Variants in ERC2 observed in about 807,000 individuals in gnomAD.
ERC2 encodes ELKS/RAB6-interacting/CAST family member 2.
In ERC2, 42 loss-of-function variants were observed where a neutral mutation model predicts 114.8. That is an observed-to-expected ratio of 0.37 (90% CI 0.29 to 0.47). ERC2 has a LOEUF of 0.47. ERC2 is among the 20% of genes least tolerant of loss of function. The probability of loss-of-function intolerance (pLI) is 0.99; values close to 1 mark genes in which losing one functional copy is unlikely to be tolerated. For synonymous variants in ERC2, 454 were observed against 425.5 expected (o/e 1.07, Z -0.82); for missense variants, 939 against 1,150.7 (o/e 0.82, Z 2.66).
At chr3:56,462,631 A>AATG (rs1157387625) in intron 1 of ERC2, among the ~76,000 whole-genome samples, 2 of 152,054 alleles carry the variant, frequency 1.3e-5, no homozygotes, top group Admixed American at 6.5e-5. Context: ...TGAAAGTCAA[A>AATG]ATGATGTTGT....
rs371009414 is a variant in ERC2 at position 56,144,594 on chromosome 3, G to T, written c.1305+4383C>A. Among the ~76,000 whole-genome samples the T allele has an allele frequency of 5.3e-5, 8 of 152,330 alleles. No homozygotes were observed. In the South Asian group the frequency reaches 8.3e-4, roughly 16 times the overall value. The stretch of plus-strand genomic sequence containing the variant: ...GTGTCGGGTTTGGTGTATTGAGAGA[G>T]AAATGAAAAGGAAATCAACTGGATA... On this transcript the variant is annotated intron_variant, in intron 5 of 17. Transcript: ENST00000288221.
intron 17 of ERC2, among the ~76,000 whole-genome samples, chr3:55,610,069 A>C (rs1386582033): frequency 9.4e-5 from 11 of 116,964 alleles, no homozygotes; most frequent in African/African-American, 3.9e-4. Flanking sequence ...ACAAACAAAA[A>C]AAAAAAAAAA....
At chr3:56,459,248 C>A (rs2063201958) in intron 1 of ERC2, among the ~76,000 whole-genome samples, 1 of 152,198 alleles carries the variant, frequency 6.6e-6, no homozygotes, top group Admixed American at 6.5e-5. Context: ...CCTGCTCTTT[C>A]TTACTGCAAT....
At chr3:55,685,995 TTTC>T (rs1473401383) in intron 16 of ERC2, among the ~76,000 whole-genome samples, 1 of 152,208 alleles carries the variant, frequency 6.6e-6, no homozygotes, top group African/African-American at 2.4e-5. Context: ...CTACTACTAT[TTTC>T]TTAACAGTGG....
At chr3:55,907,602 T>C (rs2064537124) in intron 13 of ERC2, among the ~76,000 whole-genome samples, 1 of 152,198 alleles carries the variant, frequency 6.6e-6, no homozygotes, top group Non-Finnish European at 1.5e-5. Context: ...GCCCACCCCA[T>C]AGTTTTCAGT....
At chr3:56,446,625 C>CTTTTTTT (rs1318263302) in intron 1 of ERC2, among the ~76,000 whole-genome samples, 3 of 112,360 alleles carry the variant, frequency 2.7e-5, no homozygotes, top group Non-Finnish European at 3.5e-5. Flanking sequence ...TTTTTTTTTT[C>CTTTTTTT]TTTCTTTTTT....
At chr3:55,831,871 C>G (rs983494490) in intron 14 of ERC2, among the ~76,000 whole-genome samples, 1 of 152,166 alleles carries the variant, frequency 6.6e-6, no homozygotes, top group Non-Finnish European at 1.5e-5. Flanking sequence ...GGGTGACAGA[C>G]GGCACCTGGA....
intron 17 of ERC2, among the ~76,000 whole-genome samples, chr3:55,594,199 G>A (rs1254468930): frequency 6.6e-6 from 1 of 152,194 alleles, no homozygotes; most frequent in Non-Finnish European, 1.5e-5. Flanking sequence ...TTGGTAAAGA[G>A]ATGGCAGATA....
intron 7 of ERC2, among the ~76,000 whole-genome samples, chr3:56,025,048 A>G (rs908754952): frequency 5.3e-5 from 8 of 152,234 alleles, no homozygotes; most frequent in African/African-American, 9.6e-5. Context: ...TCAAGTGCAC[A>G]GTAAGACCAC....
chr3:56,034,334 A>T (rs2074658750), intron 7 of ERC2, among the ~76,000 whole-genome samples: 1 of 152,184 alleles, frequency 6.6e-6, no homozygotes, highest in African/African-American at 2.4e-5. Flanking sequence ...TAAATATATT[A>T]AGGAAATATA....
intron 7 of ERC2, among the ~76,000 whole-genome samples, chr3:56,061,006 A>T (rs1576758375): frequency 6.6e-6 from 1 of 152,046 alleles, no homozygotes; most frequent in Non-Finnish European, 1.5e-5. Flanking sequence ...AGAGTCAGTA[A>T]CCTCCACTTG....
chr3:55,510,880 T>C lies in ERC2; in HGVS notation c.*436A>G, dbSNP rs2052024711. On this transcript the variant is annotated 3_prime_UTR_variant, in exon 18 of 18. Coordinates refer to ENST00000288221, the MANE Select transcript of ERC2 (RefSeq NM_015576.3). ...AGGATACTGGAGATGAGGCTAGTTGTCCAACAGAAGCTGAATCCACAGATA... is the reference window on the plus strand; with the variant it reads ...AGGATACTGGAGATGAGGCTAGTTGCCCAACAGAAGCTGAATCCACAGATA... 6.6e-6 allele frequency: 1 copy of C among 152,188 alleles called. No homozygotes were observed. Among genetic ancestry groups the C allele is most frequent in the Non-Finnish European group, 1.5e-5 (1 of 68,034 alleles). The allele number at this position is 152,188 out of a possible 1,614,324, so 9.4% of individuals were successfully genotyped here.
intron 2 of ERC2, among the ~76,000 whole-genome samples, chr3:56,316,027 A>G (rs1442376461): frequency 2.6e-5 from 4 of 152,040 alleles, no homozygotes; most frequent in African/African-American, 9.7e-5. Context: ...TGGGTTACAT[A>G]AACTTCAACA....
At chr3:55,836,176 G>T (rs2060874339) in intron 14 of ERC2, among the ~76,000 whole-genome samples, 3 of 152,088 alleles carry the variant, frequency 2.0e-5, no homozygotes, top group Non-Finnish European at 2.9e-5. Context: ...TGGCCATACT[G>T]CCCAAGGTAA....
intron 15 of ERC2, among the ~76,000 whole-genome samples, chr3:55,702,540 ATT>A (rs5849107): frequency 7.3e-4 from 110 of 150,864 alleles, no homozygotes; most frequent in African/African-American, 2.6e-3. Context: ...TCTCTTTTAA[ATT>A]TTTTTTTTTT....
chr3:55,797,795 C>T (rs895391019), intron 14 of ERC2, among the ~76,000 whole-genome samples: 2 of 151,992 alleles, frequency 1.3e-5, no homozygotes, highest in Admixed American at 6.6e-5. Context: ...TTTAGGTGCT[C>T]TTTCTACAAA....
rs1159018410 is a variant in ERC2, at chr3:56,018,927, T to C, written c.1746A>G (p.Ala582=). 4 of 1,613,324 alleles carry C rather than the reference T, an allele frequency of 2.5e-6. No homozygotes were observed. Among genetic ancestry groups the C allele is most frequent in the Non-Finnish European group, 3.4e-6 (4 of 1,179,510 alleles). Residue 582 remains alanine, a synonymous_variant, in exon 8 of 18, where the codon GCA becomes GCG. Transcript: ENST00000288221. ...LQTDSSNTDT[A]LATLEEALSE... ...ACAGAGCTTCCTCTAGCGTCGCCAG[T>C]GCAGTATCTGTATTACTGGAATCCG...
intron 7 of ERC2, among the ~76,000 whole-genome samples, chr3:56,076,328 T>A (rs1403560941): frequency 2.0e-5 from 3 of 152,200 alleles, no homozygotes. Flanking sequence ...TAAGAATCTA[T>A]GTGTTACATA....
chr3:56,314,506 G>C (rs556017694), intron 2 of ERC2, among the ~76,000 whole-genome samples: 1 of 151,402 alleles, frequency 6.6e-6, no homozygotes, highest in Admixed American at 6.6e-5. Context: ...TCCAGTGGGT[G>C]GGGGGGTGGG....
Sources: allele counts gnomAD v4.1 joint callset (sites outside exome capture counted in the v4.1 genomes callset), GRCh38; gene constraint gnomAD v4.1.1; transcripts MANE v1.5; gene names NCBI Gene and HGNC (gene_info 2026-07-23, HGNC 2026-07-21).